Variants in MFAP5 observed in about 807,000 individuals in gnomAD.
MFAP5 encodes microfibrillar-associated protein 5.
In MFAP5, 19 loss-of-function variants were observed where a neutral mutation model predicts 30.1. The observed-to-expected ratio is 0.63, with a 90% CI of 0.44 to 0.93. The LOEUF (loss-of-function observed/expected upper bound fraction) is 0.93, where lower values mean the gene tolerates loss of function less well. Among genes scored for constraint, MFAP5 ranks in the 40% least tolerant of loss-of-function variants. MFAP5 has a pLI of 0.00. For missense variants in MFAP5, 210 were observed against 221.3 expected (o/e 0.95, Z 0.32); for synonymous variants, 92 against 72.9 (o/e 1.26, Z -1.33).
intron 3 of MFAP5, among the ~76,000 whole-genome samples, chr12:8,657,963 G>A (rs1320982544): frequency 6.6e-6 from 1 of 152,056 alleles, no homozygotes; most frequent in Non-Finnish European, 1.5e-5. Context: ...TCAGAGTTAT[G>A]GATAATTATA....
At position 8,647,815 on chromosome 12, in the gene MFAP5, A is replaced by T. The variant is rs1236945326; in HGVS notation, c.*276T>A. On this transcript the variant is annotated 3_prime_UTR_variant, in exon 10 of 10. Transcript: ENST00000359478. ...TTGAAATTGTACATAGAATGTTTGT[A>T]TATAAGCCATATAGTCATCATCTAT... 4.8e-6 allele frequency: 1 copy of T among 206,918 alleles called. No individual in the cohort carries two copies. Among genetic ancestry groups the T allele is most frequent in the African/African-American group, 2.3e-5 (1 of 43,192 alleles). The allele number at this position is 206,918 out of a possible 1,614,324, so 12.8% of individuals were successfully genotyped here. A position where few individuals can be genotyped will look rare whatever the true frequency, so the allele number is the denominator to read the frequency against.
At chr12:8,654,613 G>T in intron 5 of MFAP5, 132 bp from the exon 6 acceptor site, 1 of 724,258 alleles carries the variant, frequency 1.4e-6, no homozygotes, top group South Asian at 2.3e-5. Context: ...ATGTATAAGG[G>T]AATAGAATTA....
intron 8 of MFAP5, among the ~76,000 whole-genome samples, chr12:8,649,867 G>A (rs1366418315): frequency 6.6e-6 from 1 of 151,826 alleles, no homozygotes; most frequent in African/African-American, 2.4e-5. Flanking sequence ...TCTGAGATTT[G>A]GGTGCACCCG....
chr12:8,655,656 A>G, intron 4 of MFAP5, 130 bp downstream of exon 4: 1 of 1,130,284 alleles, frequency 8.8e-7, no homozygotes, highest in South Asian at 1.4e-5. Flanking sequence ...TAAGGTGACA[A>G]CAGAACTCTG....
intron 2 of MFAP5, among the ~76,000 whole-genome samples, chr12:8,661,355 G>A (rs1326047657): frequency 6.6e-6 from 1 of 152,142 alleles, no homozygotes; most frequent in Admixed American, 6.5e-5. Context: ...ACAGCCTAAA[G>A]TTCACTTTCT....
rs79488858 is a variant in MFAP5, at chr12:8,651,207, T to C, written c.247+455A>G. On this transcript the variant is annotated intron_variant, in intron 7 of 9. Transcript: ENST00000359478. ...AATAAAACAAAATAGTAAAATAAAA[T>C]AGAAATGCTGATAATCCCATTCTGA... Among the ~76,000 whole-genome samples the C allele has an allele frequency of 5.9e-5, 9 of 152,098 alleles. No individual in the cohort carries two copies. The East Asian group carries it at 1.7e-3, about 29-fold the overall frequency.
At chr12:8,649,713 T>G in intron 8 of MFAP5, 139 bp from the exon 9 acceptor site, 1 of 655,374 alleles carries the variant, frequency 1.5e-6, no homozygotes, top group Non-Finnish European at 2.7e-6. Context: ...TGTATTTTCT[T>G]AAGTATTTCA....
intron 6 of MFAP5, 155 bp from the exon 7 acceptor site, chr12:8,651,846 T>C (rs1193381153): frequency 1.4e-5 from 9 of 658,734 alleles, no homozygotes; most frequent in Admixed American, 2.6e-5. Flanking sequence ...AAAACCCTTA[T>C]TGAGCTGATT....
chr12:8,659,351 C>A (rs772575907), intron 3 of MFAP5, among the ~76,000 whole-genome samples: 1 of 151,812 alleles, frequency 6.6e-6, no homozygotes, highest in Non-Finnish European at 1.5e-5. Context: ...ATTGCCCAGG[C>A]TGATCTCAAA....
At chr12:8,652,009 A>G (rs1941851628) in intron 6 of MFAP5, among the ~76,000 whole-genome samples, 1 of 152,232 alleles carries the variant, frequency 6.6e-6, no homozygotes, top group African/African-American at 2.4e-5. Flanking sequence ...AAAGAGTTAC[A>G]TGCCCAGAGG....
chr12:8,655,883 C>T, intron 3 of MFAP5, 53 bp from the exon 4 acceptor site: 5 of 1,503,114 alleles, frequency 3.3e-6, no homozygotes, highest in Non-Finnish European at 4.6e-6. Context: ...CCCTGCCACC[C>T]TTGCACTTCC....
intron 9 of MFAP5, among the ~76,000 whole-genome samples, chr12:8,649,107 G>T (rs760098607): frequency 1.1e-4 from 16 of 152,152 alleles, no homozygotes; most frequent in Non-Finnish European, 1.8e-4. Context: ...GTGCATGTGC[G>T]TGTGTATGTT....
At chr12:8,655,682 C>A in intron 4 of MFAP5, 104 bp downstream of exon 4, 1 of 1,360,998 alleles carries the variant, frequency 7.3e-7, no homozygotes, top group Non-Finnish European at 1.0e-6. Context: ...GCTCAGAGCA[C>A]CCTCCAACCC....
intron 6 of MFAP5, chr12:8,654,195 T>C: frequency 4.6e-6 from 2 of 439,424 alleles, no homozygotes; most frequent in Non-Finnish European, 8.1e-6. Context: ...AAAACGTGTT[T>C]ATACTTTTAT....
intron 3 of MFAP5, among the ~76,000 whole-genome samples, chr12:8,657,793 A>G (rs1942047371): frequency 6.6e-6 from 1 of 151,650 alleles, no homozygotes; most frequent in Non-Finnish European, 1.5e-5. Context: ...GCTGGTCTTG[A>G]GCTCCTGACC....
rs1311040497 is a variant in MFAP5, at chr12:8,647,523, C to T, written c.*568G>A. On this transcript the variant is annotated 3_prime_UTR_variant, in exon 10 of 10. Transcript: ENST00000359478. ...GATTGTATAATTCTTGACTGTGTTG[C>T]AGAATCTTACAGGACTACAAAACTT... 6.6e-6 allele frequency: 1 copy of T among 152,126 alleles called. No homozygotes were observed. The highest frequency in any genetic ancestry group is 1.5e-5 in the Non-Finnish European group (1 of 68,032). 9.4% of individuals were successfully genotyped at this position (152,126 alleles called of 1,614,324 possible). A position where few individuals can be genotyped will look rare whatever the true frequency, so the allele number is the denominator to read the frequency against.
intron 5 of MFAP5, 79 bp downstream of exon 5, chr12:8,655,336 T>C: frequency 8.0e-7 from 1 of 1,250,042 alleles, no homozygotes; most frequent in Non-Finnish European, 1.1e-6. Flanking sequence ...AAGCACAGAA[T>C]GAATTCAAGA....
chr12:8,653,104 A>T (rs1941882882), intron 6 of MFAP5, among the ~76,000 whole-genome samples: 1 of 151,634 alleles, frequency 6.6e-6, no homozygotes, highest in Non-Finnish European at 1.5e-5. Flanking sequence ...AAGCAGGAGA[A>T]TTGCTTGAAC....
At chr12:8,659,652 G>A (rs186486203) in intron 3 of MFAP5, among the ~76,000 whole-genome samples, 117 of 152,030 alleles carry the variant, frequency 7.7e-4, no homozygotes, top group Middle Eastern at 3.4e-3. Context: ...TCGGGGATTC[G>A]GGTATTTTTA....
Sources: allele counts gnomAD v4.1 joint callset (sites outside exome capture counted in the v4.1 genomes callset), GRCh38; gene constraint gnomAD v4.1.1; transcripts MANE v1.5; gene names NCBI Gene and HGNC (gene_info 2026-07-23, HGNC 2026-07-21).